The following ANTXRL variants were observed in gnomAD, a reference collection of about 807,000 sequenced individuals.
ANTXRL encodes anthrax toxin receptor-like.
A neutral mutation model predicts 75.4 loss-of-function variants in ANTXRL; 63 were observed. That is an observed-to-expected ratio of 0.84 (90% confidence interval 0.68 to 1.03). ANTXRL has a LOEUF of 1.03. Among genes scored for constraint, ANTXRL ranks in the 50% least tolerant of loss-of-function variants. ANTXRL has a pLI of 0.00. For synonymous variants in ANTXRL, 335 were observed against 291.3 expected (o/e 1.15, Z -1.53); for missense variants, 797 against 789.4 (o/e 1.01, Z -0.12).
chr10:46,313,266 C>T lies in ANTXRL; in HGVS notation c.1360C>T (p.His454Tyr). ...TCTGGATACCTTTTGTGACCTCTCTCACGCAAGCTGCCACCAGGTGCCATG... is the reference window on the plus strand; with the variant it reads ...TCTGGATACCTTTTGTGACCTCTCTTACGCAAGCTGCCACCAGGTGCCATG... The part of the protein sequence containing the change: ...GNLDTFCDLS[H>Y]ASCHQVPWMC... Residue 454 changes from histidine (H) to tyrosine (Y), a missense_variant, in exon 16 of 17, where the codon CAC becomes TAC. By Grantham distance (83) the His-to-Tyr change is moderately conservative. Coordinates refer to ENST00000620264, the MANE Select transcript of ANTXRL (RefSeq NM_001278688.3). 6.5e-7 allele frequency: 1 copy of T among 1,535,910 alleles called. No individual in the cohort carries two copies. The highest frequency in any genetic ancestry group is 8.7e-7 in the Non-Finnish European group (1 of 1,146,748).
At chr10:46,302,637 G>C in intron 9 of ANTXRL, 85 bp from the exon 10 acceptor site, 3 of 982,076 alleles carry the variant, frequency 3.1e-6, no homozygotes, top group Non-Finnish European at 4.6e-6. Context: ...TCGGTTTTGG[G>C]GGTGGATCTC....
chr10:46,322,232 G>C (rs190079798), intron 16 of ANTXRL, among the ~76,000 whole-genome samples: 1 of 152,096 alleles, frequency 6.6e-6, no homozygotes, highest in Admixed American at 6.5e-5. Flanking sequence ...CCAAAAGGAA[G>C]GTGGATCACA....
At position 46,292,109 on chromosome 10, in the gene ANTXRL, A is replaced by C. The variant is rs1392979565; in HGVS notation, c.300A>C (p.Glu100Asp). 1 of 1,536,296 alleles carries C rather than the reference A, an allele frequency of 6.5e-7. No homozygotes were observed. Among genetic ancestry groups the C allele is most frequent in the African/African-American group, 1.4e-5 (1 of 73,120 alleles). ...TTGACCTTTATATGTGGGTGGAGGA[A>C]ACAGTGGCGAGGTTCCAAAGGTACA... ...NWIDLYMWVE[E>D]TVARFQSPNI... Residue 100 changes from glutamate (E) to aspartate (D), a missense_variant, in exon 2 of 17, where the codon GAA (glutamate) becomes GAC (aspartate). Glu to Asp is a conservative substitution (Grantham distance 45, BLOSUM62 2). This residue lies in a region of ANTXRL where 262 missense variants were observed against 271.9 expected (regional missense o/e 0.96). Transcript: ENST00000620264.
chr10:46,306,258 A>G (rs1554961850), intron 10 of ANTXRL, among the ~76,000 whole-genome samples: 2 of 152,228 alleles, frequency 1.3e-5, no homozygotes. Context: ...ACACAAAATA[A>G]CAAGAATTGT....
intron 16 of ANTXRL, among the ~76,000 whole-genome samples, chr10:46,324,015 A>G (rs542400848): frequency 3.3e-5 from 5 of 152,272 alleles, no homozygotes; most frequent in Admixed American, 6.5e-5. Flanking sequence ...GGTGAAAGGG[A>G]AATCCCTTCA....
intron 16 of ANTXRL, among the ~76,000 whole-genome samples, chr10:46,314,364 A>G (rs1316626698): frequency 1.3e-5 from 2 of 152,140 alleles, no homozygotes; most frequent in Non-Finnish European, 1.5e-5. Context: ...CCGAGGTCCC[A>G]TAAGGCCTCT....
At position 46,310,504 on chromosome 10, in the gene ANTXRL, G is replaced by T; in HGVS notation, c.1173+5G>T. On this transcript the variant is annotated splice_donor_5th_base_variant and intron_variant, in intron 14 of 16. Transcript: ENST00000620264. ...CCTGTGCAGAAGCCAGAAAAGGTAA[G>T]TTGCAGTTCTGGTCCCGATATTGTC... The T allele has an allele frequency of 6.5e-7, 1 of 1,536,206 alleles. No individual in the cohort carries two copies. Among genetic ancestry groups the T allele is most frequent in the Non-Finnish European group, 8.7e-7 (1 of 1,146,692 alleles).
Position 46,293,908 on chromosome 10 carries a change from C to T in ANTXRL, c.392+8C>T. 3.3e-6 allele frequency: 5 copies of T among 1,535,248 alleles called. No homozygotes were observed. Among genetic ancestry groups the T allele is most frequent in the Non-Finnish European group, 4.4e-6 (5 of 1,146,272 alleles). ...GCCACTCACCTCAGACAAGTGAGTG[C>T]TGCTTTGAGCCCCAAAGGGAGGCCT... On this transcript the variant is annotated splice_region_variant and intron_variant, in intron 3 of 16. Transcript: ENST00000620264.
At chr10:46,314,486 AC>A (rs1838611397) in intron 16 of ANTXRL, among the ~76,000 whole-genome samples, 1 of 152,030 alleles carries the variant, frequency 6.6e-6, no homozygotes, top group Non-Finnish European at 1.5e-5. Flanking sequence ...GAAAACAGGC[AC>A]CTCAAGCAGA....
intron 16 of ANTXRL, among the ~76,000 whole-genome samples, chr10:46,317,728 C>T (rs1300062334): frequency 6.6e-6 from 1 of 152,134 alleles, no homozygotes; most frequent in Non-Finnish European, 1.5e-5. Flanking sequence ...CACACACACA[C>T]ACACACATTT....
At chr10:46,300,184 C>G (rs12414325) in intron 9 of ANTXRL, among the ~76,000 whole-genome samples, 24,624 of 151,924 alleles carry the variant, frequency 0.16, 1,757 homozygotes, top group Non-Finnish European at 0.2. Flanking sequence ...CGTGGCCCGG[C>G]AGTCACAGCC....
chr10:46,295,241 G>A (rs1181385764), intron 3 of ANTXRL, among the ~76,000 whole-genome samples: 1 of 152,148 alleles, frequency 6.6e-6, no homozygotes, highest in African/African-American at 2.4e-5. Flanking sequence ...CAGGGTCAGG[G>A]GTCTGGGGTC....
upstream of ANTXRL, chr10:46,286,980 T>G (rs1480941077): frequency 4.0e-6 from 2 of 503,348 alleles, no homozygotes; most frequent in Non-Finnish European, 7.1e-6. Flanking sequence ...AGTCACCATG[T>G]CAACCTTCCT....
rs1330150649 is a variant in ANTXRL at position 46,310,469 on chromosome 10, G to A, written c.1143G>A (p.Lys381=). ...TCTTTTGAACATTCTAGACTGTCAA[G>A]GAGCCACCACCTGTGCAGAAGCCAG... is the stretch of plus-strand genomic sequence containing the variant. ...VWRLCRKQTV[K]EPPPVQKPEK... The change falls in exon 14 of 17, where the codon AAG becomes AAA. Residue 381 remains lysine (K), a synonymous_variant. Coordinates refer to ENST00000620264, the MANE Select transcript of ANTXRL (RefSeq NM_001278688.3). 2 of 1,536,232 alleles carry A rather than the reference G, an allele frequency of 1.3e-6. No homozygotes were observed. Among genetic ancestry groups the A allele is most frequent in the African/African-American group, 2.7e-5 (2 of 72,980 alleles).
chr10:46,322,851 G>A (rs911745769), intron 16 of ANTXRL, among the ~76,000 whole-genome samples: 14 of 152,146 alleles, frequency 9.2e-5, no homozygotes, highest in African/African-American at 1.4e-4. Flanking sequence ...AATTTAAATC[G>A]TATATCCTAA....
intron 16 of ANTXRL, among the ~76,000 whole-genome samples, chr10:46,317,348 G>C (rs2132866911): frequency 6.6e-6 from 1 of 152,304 alleles, no homozygotes; most frequent in South Asian, 2.1e-4. Context: ...TGATACATTT[G>C]TGAATATTAA....
intron 12 of ANTXRL, among the ~76,000 whole-genome samples, chr10:46,308,859 G>T (rs762573037): frequency 2.2e-4 from 34 of 152,268 alleles, no homozygotes; most frequent in Non-Finnish European, 2.2e-4. Flanking sequence ...GGCGAGGTGT[G>T]CAGTGAGGGT....
At chr10:46,313,139 T>C (rs1319942129) in intron 15 of ANTXRL, 97 bp from the exon 16 acceptor site, 1 of 1,130,696 alleles carries the variant, frequency 8.8e-7, no homozygotes, top group African/African-American at 1.5e-5. Flanking sequence ...CTGGGTGTTT[T>C]CCTGGGCACA....
chr10:46,297,313 G>A lies in ANTXRL; in HGVS notation c.570G>A (p.Gln190=). ...GAGAACTGGTGGCACATGCATTTCA[G>A]GACACTCTCAGAGAAGTGAGTCCAG... The part of the protein sequence containing the change: ...TDGELVAHAF[Q]DTLREAQKAR... The change falls in exon 6 of 17, where the codon CAG becomes CAA. Residue 190 remains glutamine (Q), a synonymous_variant. Coordinates refer to ENST00000620264, the MANE Select transcript of ANTXRL (RefSeq NM_001278688.3). The A allele has an allele frequency of 6.5e-7, 1 of 1,536,458 alleles. No individual in the cohort carries two copies. Among genetic ancestry groups the A allele is most frequent in the Non-Finnish European group, 8.7e-7 (1 of 1,146,830 alleles).
Sources: allele counts gnomAD v4.1 joint callset (sites outside exome capture counted in the v4.1 genomes callset), GRCh38; gene constraint gnomAD v4.1.1; regional missense constraint gnomAD v4.1.1; transcripts MANE v1.5; gene names NCBI Gene and HGNC (gene_info 2026-07-23, HGNC 2026-07-21).